MEI1: variants seen among roughly 807,000 people sequenced by gnomAD.
The protein encoded by MEI1 is meiotic double-stranded break formation protein 1, also known as meiosis inhibitor protein 1.
A neutral mutation model predicts 146.2 loss-of-function variants in MEI1; 103 were observed. That is an observed-to-expected ratio of 0.70 (90% CI 0.60 to 0.83). The LOEUF is 0.83. Ranked by LOEUF, MEI1 falls within the 40% of genes least tolerant of loss-of-function variation. MEI1 has a pLI of 0.00. For synonymous variants in MEI1, 652 were observed against 628.2 expected, an observed-to-expected ratio of 1.04 and a Z score of -0.57; for missense variants, 1,529 against 1,533.0, an observed-to-expected ratio of 1.00 and a Z score of 0.04.
At chr22:41,700,591 A>G (rs376908204) in intron 1 of MEI1, among the ~76,000 whole-genome samples, 4 of 26,168 alleles carry the variant, frequency 1.5e-4, no homozygotes, top group Non-Finnish European at 3.4e-4. Flanking sequence ...TCGGCTTCCC[A>G]TAGTGCTGGG....
chr22:41,719,460 T>G (rs1214099897), intron 6 of MEI1, among the ~76,000 whole-genome samples: 1 of 152,206 alleles, frequency 6.6e-6, no homozygotes, highest in Non-Finnish European at 1.5e-5. Context: ...GTGCTGGGAT[T>G]AAAGGCGCAA....
chr22:41,707,684 CTT>C (rs1056936897), intron 3 of MEI1, among the ~76,000 whole-genome samples: 1 of 152,044 alleles, frequency 6.6e-6, no homozygotes, highest in Non-Finnish European at 1.5e-5. Context: ...AATGGGAAGA[CTT>C]ATATGAATGG....
At chr22:41,713,206 C>G (rs746613014) in intron 3 of MEI1, among the ~76,000 whole-genome samples, 2 of 152,134 alleles carry the variant, frequency 1.3e-5, no homozygotes, top group African/African-American at 4.8e-5. Flanking sequence ...GGCATGGTGA[C>G]TCACACCTAT....
intron 6 of MEI1, chr22:41,722,006 AC>A (rs1193829898): frequency 1.4e-5 from 2 of 147,260 alleles, no homozygotes; most frequent in Non-Finnish European, 3.0e-5. Flanking sequence ...GGCGTGAGCC[AC>A]CGCGGCCAGC....
intron 20 of MEI1, among the ~76,000 whole-genome samples, chr22:41,773,721 A>G (rs1020857681): frequency 2.0e-5 from 3 of 151,934 alleles, no homozygotes; most frequent in Non-Finnish European, 4.4e-5. Context: ...TAAAAATACA[A>G]AAAATTAGCC....
At chr22:41,717,988 C>A in intron 5 of MEI1, 83 bp from the exon 6 acceptor site, 1 of 1,142,764 alleles carries the variant, frequency 8.8e-7, no homozygotes, top group Non-Finnish European at 1.2e-6. Flanking sequence ...CATTACTACC[C>A]CGTTAGGAAT....
Position 41,784,265 on chromosome 22 carries a change from G to C in MEI1, c.3088-74G>C, listed in dbSNP as rs2075869687. On this transcript the variant is annotated intron_variant, in intron 24 of 30. Transcript: ENST00000401548. The stretch of plus-strand genomic sequence containing the variant: ...ATATGTGGGGGGAGGTGATAGAAGA[G>C]ATTTTCAGGCAGGTTATTTTCTGCC... 3 of 1,364,156 alleles carry C rather than the reference G, an allele frequency of 2.2e-6. No homozygotes were observed. The African/African-American group carries it at 4.3e-5, about 19-fold the overall frequency. 84.5% of individuals were successfully genotyped at this position (1,364,156 alleles called of 1,614,324 possible). A position where few individuals can be genotyped will look rare whatever the true frequency, so the allele number is the denominator to read the frequency against.
chr22:41,723,831 A>G, intron 6 of MEI1, 112 bp from the exon 7 acceptor site: 2 of 1,310,404 alleles, frequency 1.5e-6, no homozygotes, highest in South Asian at 2.9e-5. Context: ...ACCATTCTTC[A>G]TATTTGTAGA....
At chr22:41,785,915 A>ATT (rs1274113686) in intron 26 of MEI1, among the ~76,000 whole-genome samples, 7 of 104,028 alleles carry the variant, frequency 6.7e-5, no homozygotes, top group African/African-American at 1.8e-4. Flanking sequence ...TTTTTATTTT[A>ATT]TTTTTTTTTT....
At chr22:41,724,463 C>T (rs2071133232) in intron 7 of MEI1, among the ~76,000 whole-genome samples, 1 of 151,882 alleles carries the variant, frequency 6.6e-6, no homozygotes. Context: ...ACTAAAAATA[C>T]AAACATTAGC....
intron 19 of MEI1, among the ~76,000 whole-genome samples, chr22:41,763,754 T>C (rs1433494891): frequency 6.6e-6 from 1 of 151,654 alleles, no homozygotes; most frequent in Non-Finnish European, 1.5e-5. Flanking sequence ...TAAGACCTTG[T>C]CTCTACAAAA....
At chr22:41,757,265 T>G (rs1460926185) in intron 17 of MEI1, among the ~76,000 whole-genome samples, 2 of 152,040 alleles carry the variant, frequency 1.3e-5, no homozygotes, top group African/African-American at 4.8e-5. Flanking sequence ...TGGCTATTTT[T>G]TTGTATTTTT....
rs141506444 is a variant in MEI1, at chr22:41,795,659, G to C, written c.3667-76G>C. The C allele has an allele frequency of 1.9e-6, 3 of 1,589,360 alleles. No homozygotes were observed. The highest frequency in any genetic ancestry group is 2.6e-6 in the Non-Finnish European group (3 of 1,164,332). On this transcript the variant is annotated intron_variant, in intron 29 of 30. Transcript: ENST00000401548. This position sits in a 1 kb window ranked among gnomAD's most constrained non-coding sequence, Gnocchi z 4.2. The stretch of plus-strand genomic sequence containing the variant: ...CAAGGAATGGGAGGAGGGAAGTACA[G>C]AGGATGGAGGCAGTTAGGGCCTGTG...
chr22:41,738,238 A>G (rs1367054211), intron 11 of MEI1, among the ~76,000 whole-genome samples: 1 of 151,944 alleles, frequency 6.6e-6, no homozygotes, highest in African/African-American at 2.4e-5. Flanking sequence ...GTGGATCACA[A>G]TGTCAGGAGA....
intron 15 of MEI1, among the ~76,000 whole-genome samples, chr22:41,748,848 G>C (rs1487244731): frequency 6.6e-6 from 1 of 151,592 alleles, no homozygotes. Context: ...CTGTTGCCCA[G>C]GCTGGAGTGC....
Position 41,749,135 on chromosome 22 carries a change from C to CT in MEI1, c.1792+919dup, listed in dbSNP as rs572229540. On this transcript the variant is annotated intron_variant, in intron 15 of 30. Transcript: ENST00000401548. Reference sequence around the variant, plus strand: ...CTTAATCTCTGTGCTATATTTGGCTCTTATCATTATAATTTAATGTTTTTT... The same window carrying CT: ...CTTAATCTCTGTGCTATATTTGGCTCTTTATCATTATAATTTAATGTTTTTT... Among the ~76,000 whole-genome samples, 125 of 152,170 alleles carry CT rather than the reference C, an allele frequency of 8.2e-4. 3 individuals carry two copies. In the South Asian group the frequency reaches 0.018, roughly 23 times the overall value.
chr22:41,740,122 C>T (rs1301052672), intron 11 of MEI1, among the ~76,000 whole-genome samples: 8 of 151,878 alleles, frequency 5.3e-5, no homozygotes, highest in African/African-American at 9.7e-5. Flanking sequence ...CAGGTTCAAA[C>T]GATTCTCCTG....
intron 19 of MEI1, 140 bp from the exon 20 acceptor site, chr22:41,770,546 A>G: frequency 1.4e-6 from 1 of 724,504 alleles, no homozygotes; most frequent in East Asian, 2.7e-5. Context: ...TTCTCACTAA[A>G]GTGCCTTGGG....
At chr22:41,729,054 C>G (rs1212929762) in intron 7 of MEI1, among the ~76,000 whole-genome samples, 1 of 150,690 alleles carries the variant, frequency 6.6e-6, no homozygotes, top group Non-Finnish European at 1.5e-5. Context: ...GTCCCAGCTA[C>G]TCAGGAGGCT....
Sources: allele counts gnomAD v4.1 joint callset (sites outside exome capture counted in the v4.1 genomes callset), GRCh38; gene constraint gnomAD v4.1.1; non-coding constraint Gnocchi (gnomAD v3.1); transcripts MANE v1.5; gene names NCBI Gene and HGNC (gene_info 2026-07-23, HGNC 2026-07-21).